The following CORO6 variants were observed in gnomAD, a reference collection of about 807,000 sequenced individuals.
The protein encoded by CORO6 is coronin 6.
CORO6 carries 43 observed loss-of-function variants against 49.0 expected under a neutral mutation model. The ratio of observed to expected loss-of-function variants is 0.88; its 90% CI spans 0.69 to 1.13. The LOEUF (loss-of-function observed/expected upper bound fraction) is 1.13, where lower values mean the gene tolerates loss of function less well. Among genes scored for constraint, CORO6 ranks in the 50% most tolerant of loss-of-function variants. CORO6 has a pLI of 0.00. For synonymous variants in CORO6, 233 were observed against 256.5 expected, an observed-to-expected ratio of 0.91 and a Z score of 0.88; for missense variants, 650 against 647.0, an observed-to-expected ratio of 1.00 and a Z score of -0.05.
Position 29,621,499 on chromosome 17 carries a change from AG to A in CORO6, c.-63-16del. 6.5e-7 allele frequency: 1 copy of A among 1,540,002 alleles called. No homozygotes were observed. Among genetic ancestry groups the A allele is most frequent in the Non-Finnish European group, 8.8e-7 (1 of 1,138,806 alleles). The stretch of plus-strand genomic sequence containing the variant: ...AGTCCTGTGAGCTGCGGGAGGGAGG[AG>A]GAGTGGAGGGGTGGCTGATGAGAAG... On this transcript the variant is annotated splice_polypyrimidine_tract_variant and intron_variant, in intron 1 of 10. Coordinates refer to ENST00000388767, the MANE Select transcript of CORO6 (RefSeq NM_032854.4). This position sits in a 1 kb window ranked among gnomAD's most constrained non-coding sequence, Gnocchi z 4.2.
rs764274309 is a variant in CORO6, at chr17:29,621,291, G to A, written c.131C>T (p.Pro44Leu). Residue 44 changes from proline to leucine, a missense_variant, in exon 2 of 11, where the codon CCC becomes CTC. Coordinates refer to ENST00000388767, the MANE Select transcript of CORO6 (RefSeq NM_032854.4). This position sits in a 1 kb window ranked among gnomAD's most constrained non-coding sequence, Gnocchi z 4.2. ...TWDSSFCAVNPKFLAIIVEAG... is the reference protein window; with the variant it reads ...TWDSSFCAVNLKFLAIIVEAG... ...CTCCACAATAATGGCCAGGAATTTG[G>A]GGTTGACGGCACAGAAGGAGCTGTC... is the stretch of plus-strand genomic sequence containing the variant. 15 of 1,614,154 alleles carry A rather than the reference G, an allele frequency of 9.3e-6. No homozygotes were observed. The highest frequency in any genetic ancestry group is 3.3e-4 in the Middle Eastern group (2 of 6,062).
rs981466066 is a variant in CORO6, at chr17:29,616,407, G to T, written c.1005-71C>A. On this transcript the variant is annotated intron_variant, in intron 8 of 10. Coordinates refer to ENST00000388767, the MANE Select transcript of CORO6 (RefSeq NM_032854.4). The surrounding 1 kb of genome is among the most constrained non-coding windows in gnomAD (Gnocchi z 5.6). Reference sequence around the variant, plus strand: ...TAACTTCTCCTGTCTAAGACCAAGGGGGTTGGAGGCCAACACTTGCTCAGC... The same window carrying T: ...TAACTTCTCCTGTCTAAGACCAAGGTGGTTGGAGGCCAACACTTGCTCAGC... 1 of 1,463,000 alleles carries T rather than the reference G, an allele frequency of 6.8e-7. No homozygotes were observed. Among genetic ancestry groups the T allele is most frequent in the South Asian group, 1.2e-5 (1 of 82,342 alleles). 90.6% of individuals were successfully genotyped at this position (1,463,000 alleles called of 1,614,324 possible).
Position 29,615,636 on chromosome 17 carries a change from C to A in CORO6, c.*96G>T. The A allele has an allele frequency of 7.5e-7, 1 of 1,341,594 alleles. No homozygotes were observed. Among genetic ancestry groups the A allele is most frequent in the South Asian group, 1.5e-5 (1 of 64,722 alleles). 83.1% of individuals were successfully genotyped at this position (1,341,594 alleles called of 1,614,324 possible). A position where few individuals can be genotyped will look rare whatever the true frequency, so the allele number is the denominator to read the frequency against. On this transcript the variant is annotated 3_prime_UTR_variant, in exon 11 of 11. Coordinates refer to ENST00000388767, the MANE Select transcript of CORO6 (RefSeq NM_032854.4). Reference sequence around the variant, plus strand: ...CCCTCCCCAGTCCCGCCCCCGGGCCCAGCCCAAGAAGGCGGGGTCCGGAGT... The same window carrying A: ...CCCTCCCCAGTCCCGCCCCCGGGCCAAGCCCAAGAAGGCGGGGTCCGGAGT...
At chr17:29,620,268 A>C (rs2035240828) in intron 2 of CORO6, among the ~76,000 whole-genome samples, 1 of 152,164 alleles carries the variant, frequency 6.6e-6, no homozygotes, top group African/African-American at 2.4e-5. Context: ...CTATCCCCAA[A>C]TGGGAGCTGG....
At chr17:29,617,349 A>G (rs1372026639) in intron 6 of CORO6, 151 bp downstream of exon 6, 3 of 1,543,002 alleles carry the variant, frequency 1.9e-6, no homozygotes, top group Non-Finnish European at 2.6e-6. Flanking sequence ...AACTGGGCAG[A>G]GGGGTGGGTG....
In CORO6 at chr17:29,619,727, G is replaced by T; in HGVS notation, c.245C>A (p.Ala82Asp). 1.2e-6 allele frequency: 2 copies of T among 1,612,526 alleles called. No homozygotes were observed. Among genetic ancestry groups the T allele is most frequent in the African/African-American group, 1.3e-5 (1 of 75,016 alleles). ...ACACCAGTCAATATCCAGCACAGGG[G>T]CAGTGTGCCCAGTGACCAGTGGGTA... The part of the protein sequence containing the change: ...KNYPLVTGHT[A>D]PVLDIDWCPH... The change falls in exon 3 of 11, where the codon GCC becomes GAC. Residue 82 changes from alanine to aspartate, a missense_variant. Coordinates refer to ENST00000388767, the MANE Select transcript of CORO6 (RefSeq NM_032854.4).
intron 6 of CORO6, 72 bp from the exon 7 acceptor site, chr17:29,617,114 C>CT (rs2034999641): frequency 5.0e-6 from 8 of 1,592,038 alleles, no homozygotes; most frequent in Non-Finnish European, 6.8e-6. Flanking sequence ...CCAGAAGCCC[C>CT]TTTACGCTTC....
At chr17:29,620,526 G>A (rs1417083759) in intron 2 of CORO6, among the ~76,000 whole-genome samples, 1 of 152,182 alleles carries the variant, frequency 6.6e-6, no homozygotes, top group Non-Finnish European at 1.5e-5. Context: ...CCCGCCACCT[G>A]TGGAGCCTAC....
rs761021544 is a variant in CORO6, at chr17:29,616,916, C to T, written c.858+22G>A. 6.8e-6 allele frequency: 11 copies of T among 1,613,608 alleles called. No individual in the cohort carries two copies. The highest frequency in any genetic ancestry group is 9.3e-6 in the Non-Finnish European group (11 of 1,180,010). ...CCACATCTCCATCCAGTGCCCTGTTCTCCCTGCCCGGCCGTGAGCACCTTG... is the reference window on the plus strand; with the variant it reads ...CCACATCTCCATCCAGTGCCCTGTTTTCCCTGCCCGGCCGTGAGCACCTTG... On this transcript the variant is annotated intron_variant, in intron 7 of 10. Coordinates refer to ENST00000388767, the MANE Select transcript of CORO6 (RefSeq NM_032854.4). The surrounding 1 kb of genome is among the most constrained non-coding windows in gnomAD (Gnocchi z 5.6).
Position 29,621,500 on chromosome 17 carries a change from G to T in CORO6, c.-63-16C>A. ...GTCCTGTGAGCTGCGGGAGGGAGGA[G>T]GAGTGGAGGGGTGGCTGATGAGAAG... On this transcript the variant is annotated splice_polypyrimidine_tract_variant and intron_variant, in intron 1 of 10. Coordinates refer to ENST00000388767, the MANE Select transcript of CORO6 (RefSeq NM_032854.4). The surrounding 1 kb of genome is among the most constrained non-coding windows in gnomAD (Gnocchi z 4.2). The T allele has an allele frequency of 3.2e-6, 5 of 1,538,872 alleles. No individual in the cohort carries two copies. The highest frequency in any genetic ancestry group is 4.4e-6 in the Non-Finnish European group (5 of 1,138,046).
At position 29,616,965 on chromosome 17, in the gene CORO6, G is replaced by T; in HGVS notation, c.831C>A (p.Asp277Glu). The T allele has an allele frequency of 1.2e-6, 2 of 1,613,822 alleles. No individual in the cohort carries two copies. The highest frequency in any genetic ancestry group is 2.2e-5 in the South Asian group (2 of 91,080). The change falls in exon 7 of 11, where the codon GAC becomes GAA. Residue 277 changes from aspartate (D) to glutamate (E), a missense_variant. By Grantham distance (45) the Asp-to-Glu change is conservative. Transcript: ENST00000388767. This position sits in a 1 kb window ranked among gnomAD's most constrained non-coding sequence, Gnocchi z 5.6. ...NGVLLPFYDP[D>E]SSIVYLCGKG... ...TGCCACACAGGTAGACGATGCTGGAGTCGGGATCGTAAAAGGGCAATAGGA... is the reference window on the plus strand; with the variant it reads ...TGCCACACAGGTAGACGATGCTGGATTCGGGATCGTAAAAGGGCAATAGGA...
rs574484557 is a variant in CORO6, at chr17:29,616,049, G to C, written c.1189C>G (p.Pro397Ala). Residue 397 changes from proline (P) to alanine (A), a missense_variant, in exon 10 of 11, where the codon CCC (proline) becomes GCC (alanine). By Grantham distance (27) the Pro-to-Ala change is conservative. Transcript: ENST00000388767. The surrounding 1 kb of genome is among the most constrained non-coding windows in gnomAD (Gnocchi z 5.6). The stretch of plus-strand genomic sequence containing the variant: ...ACCCGGAGCTCGCGGTGCTTGGGGG[G>C]CACATAGCCGTCCCTCAGCGAAATG... ...VLISLRDGYV[P>A]PKHRELRVTK... 2.5e-6 allele frequency: 4 copies of C among 1,612,096 alleles called. No individual in the cohort carries two copies. The highest frequency in any genetic ancestry group is 1.7e-5 in the Admixed American group (1 of 59,976).
At chr17:29,615,892 G>A in intron 10 of CORO6, 35 bp from the exon 11 acceptor site, 2 of 1,591,288 alleles carry the variant, frequency 1.3e-6, no homozygotes, top group Non-Finnish European at 1.7e-6. Flanking sequence ...TGTCGTATAG[G>A]GGCGGTTGGG....
rs1409142308 is a variant in CORO6, at chr17:29,621,250, C to T, written c.172G>A (p.Ala58Thr). 6.2e-7 allele frequency: 1 copy of T among 1,614,108 alleles called. No individual in the cohort carries two copies. The highest frequency in any genetic ancestry group is 1.1e-5 in the South Asian group (1 of 91,088). ...TTGGCCAGAGGCAGGACGATGAAGG[C>T]ACCCCCGCCTCCAGCCTCCACAATA... ...AIIVEAGGGG[A>T]FIVLPLAKTG... is the part of the protein sequence containing the mutation. The change falls in exon 2 of 11, where the codon GCC becomes ACC. Residue 58 changes from alanine (A) to threonine (T), a missense_variant. Physicochemically the swap from Ala to Thr is moderately conservative, Grantham distance 58. Coordinates refer to ENST00000388767, the MANE Select transcript of CORO6 (RefSeq NM_032854.4). The surrounding 1 kb of genome is among the most constrained non-coding windows in gnomAD (Gnocchi z 4.2).
In CORO6 at chr17:29,615,224, G is replaced by C. The variant is rs73280611; in HGVS notation, c.*508C>G. ...CTGGGTCCGGCTCTGCAGCAAACGG[G>C]TTGTGTATGTGTCTGCAGAACTGGG... On this transcript the variant is annotated 3_prime_UTR_variant, in exon 11 of 11. Coordinates refer to ENST00000388767, the MANE Select transcript of CORO6 (RefSeq NM_032854.4). 0.025 allele frequency: 3,849 copies of C among 152,654 alleles called. 158 individuals carry two copies. The highest frequency in any genetic ancestry group is 0.087 in the African/African-American group (3,629 of 41,548). 9.5% of individuals were successfully genotyped at this position (152,654 alleles called of 1,614,324 possible).
In CORO6 at chr17:29,622,712, G is replaced by T; in HGVS notation, c.-88C>A. The T allele has an allele frequency of 1.6e-6, 2 of 1,286,956 alleles. No individual in the cohort carries two copies. Among genetic ancestry groups the T allele is most frequent in the Non-Finnish European group, 2.0e-6 (2 of 983,152 alleles). 79.7% of individuals were successfully genotyped at this position (1,286,956 alleles called of 1,614,324 possible). On this transcript the variant is annotated 5_prime_UTR_variant, in exon 1 of 11. Coordinates refer to ENST00000388767, the MANE Select transcript of CORO6 (RefSeq NM_032854.4). ...CCTGGTCCTGAGCGGGCTGCGGGGC[G>T]CTCACGCTGCGAATCCTCTGCGGAA... is the stretch of plus-strand genomic sequence containing the variant.
Position 29,618,829 on chromosome 17 carries a change from G to A in CORO6, c.594C>T (p.Thr198=). 1 of 1,614,046 alleles carries A rather than the reference G, an allele frequency of 6.2e-7. No homozygotes were observed. The highest frequency in any genetic ancestry group is 8.5e-7 in the Non-Finnish European group (1 of 1,180,020). ...CTTTTCTGGGGTCAATGATGCGCAA[G>A]GTCTTGTCCTTGCAGGTGGTGGCTA... ...SLLATTCKDK[T]LRIIDPRKGQ... Residue 198 remains threonine (T), a synonymous_variant, in exon 5 of 11, where the codon ACC becomes ACT. Coordinates refer to ENST00000388767, the MANE Select transcript of CORO6 (RefSeq NM_032854.4).
Position 29,621,156 on chromosome 17 carries a change from A to G in CORO6, c.198+68T>C. ...TATGGAATGGAACTAGGTGAGAACA[A>G]AGGCTCAGGAGTTCCCAGGGGCCCC... is the stretch of plus-strand genomic sequence containing the variant. On this transcript the variant is annotated intron_variant, in intron 2 of 10. Transcript: ENST00000388767. The surrounding 1 kb of genome is among the most constrained non-coding windows in gnomAD (Gnocchi z 4.2). 6.3e-7 allele frequency: 1 copy of G among 1,585,990 alleles called. No individual in the cohort carries two copies. The highest frequency in any genetic ancestry group is 2.0e-4 in the Middle Eastern group (1 of 4,886).
intron 5 of CORO6, 171 bp from the exon 6 acceptor site, chr17:29,617,790 C>T (rs559432071): frequency 1.3e-6 from 1 of 789,678 alleles, no homozygotes. Flanking sequence ...CGTCTGGCCC[C>T]TGACCTGGAG....
Sources: allele counts gnomAD v4.1 joint callset (sites outside exome capture counted in the v4.1 genomes callset), GRCh38; gene constraint gnomAD v4.1.1; non-coding constraint Gnocchi (gnomAD v3.1); transcripts MANE v1.5; gene names NCBI Gene and HGNC (gene_info 2026-07-23, HGNC 2026-07-21).